Variants in ZBTB43 observed in about 807,000 individuals in gnomAD.
ZBTB43 encodes the protein zinc finger and BTB domain-containing protein 43.
ZBTB43 carries 6 observed loss-of-function variants against 31.1 expected under a neutral mutation model. The observed-to-expected ratio is 0.19, with a 90% confidence interval of 0.11 to 0.38. The LOEUF is 0.38. Among genes scored for constraint, ZBTB43 ranks in the 10% least tolerant of loss-of-function variants. The probability of loss-of-function intolerance (pLI) is 1.00; values close to 1 mark genes in which losing one functional copy is unlikely to be tolerated. For missense variants in ZBTB43, 379 were observed against 602.1 expected (o/e 0.63, Z 3.88); for synonymous variants, 212 against 221.7 (o/e 0.96, Z 0.39).
At chr9:126,820,710 G>A (rs1346276985) in intron 2 of ZBTB43, among the ~76,000 whole-genome samples, 1 of 152,086 alleles carries the variant, frequency 6.6e-6, no homozygotes, top group Non-Finnish European at 1.5e-5. Context: ...GCTCACACCT[G>A]TAATCCTAGC....
At position 126,838,107 on chromosome 9, in the gene ZBTB43, T is replaced by A. The variant is rs1482827432; in HGVS notation, c.*4194T>A. Reference sequence around the variant, plus strand: ...TGCTGTCTTCAGTGTACAGCATGGTTTTACTTAATTGAATGTTAATGTTTA... The same window carrying A: ...TGCTGTCTTCAGTGTACAGCATGGTATTACTTAATTGAATGTTAATGTTTA... On this transcript the variant is annotated 3_prime_UTR_variant, in exon 3 of 3. Coordinates refer to ENST00000373464, the MANE Select transcript of ZBTB43 (RefSeq NM_014007.4). 6.0e-6 allele frequency: 1 copy of A among 166,828 alleles called. No individual in the cohort carries two copies. Among genetic ancestry groups the A allele is most frequent in the Non-Finnish European group, 1.5e-5 (1 of 68,108 alleles). The allele number at this position is 166,828 out of a possible 1,614,324, so 10.3% of individuals were successfully genotyped here.
At chr9:126,828,643 A>AT (rs201629422) in intron 2 of ZBTB43, among the ~76,000 whole-genome samples, 3,921 of 139,658 alleles carry the variant, frequency 0.028, 161 homozygotes, top group African/African-American at 0.1. Context: ...AATAATAATA[A>AT]TAATAATAAT....
chr9:126,811,137 G>A (rs956108634), intron 2 of ZBTB43, among the ~76,000 whole-genome samples: 3 of 150,092 alleles, frequency 2.0e-5, no homozygotes, highest in Non-Finnish European at 3.0e-5. Context: ...CAGGAGAATC[G>A]CTTGAACCTG....
In ZBTB43 at chr9:126,837,091, G is replaced by A. The variant is rs1008400930; in HGVS notation, c.*3178G>A. On this transcript the variant is annotated 3_prime_UTR_variant, in exon 3 of 3. Transcript: ENST00000373464. Reference sequence around the variant, plus strand: ...CACACTCCAGCCTGCGCGACAGATCGAGACTCTGTCTCAAAAAAAAAAAAA... The same window carrying A: ...CACACTCCAGCCTGCGCGACAGATCAAGACTCTGTCTCAAAAAAAAAAAAA... The A allele has an allele frequency of 3.4e-4, 55 of 162,686 alleles. No homozygotes were observed. The highest frequency in any genetic ancestry group is 1.1e-3 in the African/African-American group (45 of 40,616). 10.1% of individuals were successfully genotyped at this position (162,686 alleles called of 1,614,324 possible). A position where few individuals can be genotyped will look rare whatever the true frequency, so the allele number is the denominator to read the frequency against.
intron 2 of ZBTB43, among the ~76,000 whole-genome samples, chr9:126,830,299 C>G (rs112611888): frequency 6.6e-6 from 1 of 152,232 alleles, no homozygotes; most frequent in Non-Finnish European, 1.5e-5. Context: ...CCCTATCCCT[C>G]GAAGATGACT....
At chr9:126,813,120 A>T (rs2032285571) in intron 2 of ZBTB43, among the ~76,000 whole-genome samples, 1 of 151,966 alleles carries the variant, frequency 6.6e-6, no homozygotes. Flanking sequence ...AGCTGGGATA[A>T]CAGATGTGTG....
intron 2 of ZBTB43, among the ~76,000 whole-genome samples, chr9:126,822,810 C>T (rs186017382): frequency 1.2e-4 from 19 of 152,304 alleles, no homozygotes; most frequent in African/African-American, 4.3e-4. Flanking sequence ...CCTGATCAGT[C>T]AGCAGCCATC....
rs578179681 is a variant in ZBTB43, at chr9:126,825,827, T to C, written c.-23-6660T>C. On this transcript the variant is annotated intron_variant, in intron 2 of 2. Transcript: ENST00000373464. ...ACTTTTCAGCTCCAGCTTTTTCCAT[T>C]TGGTTCCTTTTTATATTTTTTTTTT... Among the ~76,000 whole-genome samples the C allele has an allele frequency of 9.4e-5, 14 of 149,292 alleles. No individual in the cohort carries two copies. The South Asian group carries it at 2.9e-3, about 31-fold the overall frequency.
intron 2 of ZBTB43, among the ~76,000 whole-genome samples, chr9:126,826,282 G>A (rs1308534308): frequency 2.0e-5 from 3 of 151,478 alleles, no homozygotes; most frequent in African/African-American, 7.3e-5. Context: ...AAAGTGCTGG[G>A]ATTACAGGCA....
At chr9:126,813,676 C>T (rs1485218523) in intron 2 of ZBTB43, among the ~76,000 whole-genome samples, 2 of 152,084 alleles carry the variant, frequency 1.3e-5, no homozygotes, top group Non-Finnish European at 1.5e-5. Context: ...ACCAAACCCG[C>T]AAGAGATTAA....
At chr9:126,827,590 G>A (rs1220242171) in intron 2 of ZBTB43, among the ~76,000 whole-genome samples, 1 of 152,224 alleles carries the variant, frequency 6.6e-6, no homozygotes, top group South Asian at 2.1e-4. Context: ...CATTTTTTCA[G>A]CTTCCTGATT....
intron 2 of ZBTB43, among the ~76,000 whole-genome samples, chr9:126,811,171 G>A (rs1315270596): frequency 6.8e-6 from 1 of 146,742 alleles, no homozygotes; most frequent in African/African-American, 2.5e-5. Flanking sequence ...ACAGTGAGCT[G>A]AAGTGGCACC....
rs561280965 is a variant in ZBTB43, at chr9:126,835,322, T to C, written c.*1409T>C. Reference sequence around the variant, plus strand: ...TTAAAAAGAAAGGTAATATTGCACATGCTTTTAAGCTGTGTAACATACCTG... The same window carrying C: ...TTAAAAAGAAAGGTAATATTGCACACGCTTTTAAGCTGTGTAACATACCTG... On this transcript the variant is annotated 3_prime_UTR_variant, in exon 3 of 3. Transcript: ENST00000373464. 1 of 167,248 alleles carries C rather than the reference T, an allele frequency of 6.0e-6. No individual in the cohort carries two copies. Among genetic ancestry groups the C allele is most frequent in the East Asian group, 1.9e-4 (1 of 5,198 alleles). 10.4% of individuals were successfully genotyped at this position (167,248 alleles called of 1,614,324 possible). A position where few individuals can be genotyped will look rare whatever the true frequency, so the allele number is the denominator to read the frequency against.
intron 2 of ZBTB43, among the ~76,000 whole-genome samples, chr9:126,814,529 T>TA (rs1290832248): frequency 3.9e-5 from 6 of 151,958 alleles, no homozygotes; most frequent in African/African-American, 1.4e-4. Context: ...CGCGGTGGCT[T>TA]ACGCCTGTAA....
chr9:126,823,450 G>A (rs1285022079), intron 2 of ZBTB43, among the ~76,000 whole-genome samples: 4 of 152,002 alleles, frequency 2.6e-5, no homozygotes, highest in African/African-American at 7.3e-5. Context: ...TGCTTACCTG[G>A]AATATCTTTT....
In ZBTB43 at chr9:126,835,404, T is replaced by C. The variant is rs1051812514; in HGVS notation, c.*1491T>C. 9 of 167,070 alleles carry C rather than the reference T, an allele frequency of 5.4e-5. No homozygotes were observed. Among genetic ancestry groups the C allele is most frequent in the Admixed American group, 1.3e-4 (2 of 15,288 alleles). 10.3% of individuals were successfully genotyped at this position (167,070 alleles called of 1,614,324 possible). A position where few individuals can be genotyped will look rare whatever the true frequency, so the allele number is the denominator to read the frequency against. The stretch of plus-strand genomic sequence containing the variant: ...TACCATGTCATCTTTTCCACAATCG[T>C]ACTGGGTTATTTACTTCTAAATAGA... On this transcript the variant is annotated 3_prime_UTR_variant, in exon 3 of 3. Coordinates refer to ENST00000373464, the MANE Select transcript of ZBTB43 (RefSeq NM_014007.4).
rs375082580 is a variant in ZBTB43 at position 126,805,583 on chromosome 9, G to C, written c.-147+451G>C. 6.8e-4 allele frequency among the ~76,000 whole-genome samples: 104 copies of C among 152,350 alleles called. 1 individual carries two copies. The highest frequency in any genetic ancestry group is 6.8e-3 in the Middle Eastern group (2 of 294). ...ATCTTCTGTTTAAGTAAAACATTCA[G>C]CATCCCCTGTTGCTGTCTCTGTCAC... On this transcript the variant is annotated intron_variant, in intron 1 of 2. Transcript: ENST00000373464.
At chr9:126,804,249 C>T (rs1025902041), upstream of ZBTB43, among the ~76,000 whole-genome samples, 2 of 152,066 alleles carry the variant, frequency 1.3e-5, no homozygotes, top group African/African-American at 4.8e-5. Flanking sequence ...CTAGAGAGAT[C>T]GTTTCTGTCC....
intron 2 of ZBTB43, among the ~76,000 whole-genome samples, chr9:126,816,645 T>C (rs1263592511): frequency 1.3e-5 from 2 of 152,226 alleles, no homozygotes; most frequent in Non-Finnish European, 2.9e-5. Context: ...ATTGTTAGAA[T>C]CAGCTCTTAG....
Sources: allele counts gnomAD v4.1 joint callset (sites outside exome capture counted in the v4.1 genomes callset), GRCh38; gene constraint gnomAD v4.1.1; transcripts MANE v1.5; gene names NCBI Gene and HGNC (gene_info 2026-07-23, HGNC 2026-07-21).